Variants in SAFB2 observed in about 807,000 individuals in gnomAD.
The protein encoded by SAFB2 is scaffold attachment factor B2.
Under a neutral mutation model 100.6 loss-of-function variants are expected in SAFB2, and 32 were observed. That is an observed-to-expected ratio of 0.32 (90% CI 0.24 to 0.43). The LOEUF is 0.43. Among genes scored for constraint, SAFB2 ranks in the 20% least tolerant of loss-of-function variants. The probability of loss-of-function intolerance (pLI) is 1.00; values close to 1 mark genes in which losing one functional copy is unlikely to be tolerated. For synonymous variants in SAFB2, 500 were observed against 439.4 expected (o/e 1.14, Z -1.72); for missense variants, 1,185 against 1,163.4 (o/e 1.02, Z -0.27).
chr19:5,610,309 T>C (rs2052881912), intron 8 of SAFB2: 2 of 596,302 alleles, frequency 3.4e-6, no homozygotes, highest in South Asian at 4.1e-5. Context: ...ATCATGCCCA[T>C]GTCAGTTATG....
In SAFB2 at chr19:5,611,548, T is replaced by C. The variant is rs1568226361; in HGVS notation, c.717A>G (p.Pro239=). The change falls in exon 7 of 21, where the codon CCA becomes CCG. Residue 239 remains proline, a synonymous_variant. Transcript: ENST00000252542. The stretch of plus-strand genomic sequence containing the variant: ...CCACGCTACTTGTGTCCTGTGCAAA[T>C]GGCTGCTCCAGCTCGGAACTTTCTT... ...VKEESSELEQ[P]FAQDTSSVGP... 4.2e-6 allele frequency: 2 copies of C among 476,924 alleles called. No individual in the cohort carries two copies. The highest frequency in any genetic ancestry group is 7.1e-6 in the Non-Finnish European group (2 of 281,908). 29.5% of individuals were successfully genotyped at this position (476,924 alleles called of 1,614,324 possible). A position where few individuals can be genotyped will look rare whatever the true frequency, so the allele number is the denominator to read the frequency against.
At position 5,604,904 on chromosome 19, in the gene SAFB2, G is replaced by A; in HGVS notation, c.1329C>T (p.Arg443=). ...ATCCATAGCATCGAGCCCCCGGGCT[G>A]CGGGCGTTCGTTACCACTTTGGCCC... is the stretch of plus-strand genomic sequence containing the variant. The part of the protein sequence containing the change: ...VVGAKVVTNA[R]SPGARCYGFV... The change falls in exon 10 of 21, where the codon CGC becomes CGT. Residue 443 remains arginine (R), a synonymous_variant. Coordinates refer to ENST00000252542, the MANE Select transcript of SAFB2 (RefSeq NM_014649.3). The A allele has an allele frequency of 3.1e-6, 5 of 1,613,710 alleles. No homozygotes were observed. The highest frequency in any genetic ancestry group is 3.4e-6 in the Non-Finnish European group (4 of 1,180,040).
chr19:5,590,093 G>A (rs1319703886), intron 18 of SAFB2, among the ~76,000 whole-genome samples, 185 bp downstream of exon 18: 1 of 152,190 alleles, frequency 6.6e-6, no homozygotes, highest in Admixed American at 6.5e-5. Flanking sequence ...CTGAAAGCCT[G>A]TTCTATGCTT....
chr19:5,610,895 A>T, intron 7 of SAFB2: 1 of 792,702 alleles, frequency 1.3e-6, no homozygotes, highest in Non-Finnish European at 2.0e-6. Context: ...TTAGCTGAAG[A>T]TAACAATTAA....
rs189037926 is a variant in SAFB2 at position 5,590,252 on chromosome 19, C to T, written c.2525+26G>A. ...TTCCCAGGTTAGGACAGATGCTCCC[C>T]ACCCGGCTGGGGCTCACCCACTAAC... is the stretch of plus-strand genomic sequence containing the variant. On this transcript the variant is annotated intron_variant, in intron 18 of 20. Coordinates refer to ENST00000252542, the MANE Select transcript of SAFB2 (RefSeq NM_014649.3). The T allele has an allele frequency of 2.5e-5, 39 of 1,538,412 alleles. No individual in the cohort carries two copies. In the African/African-American group the frequency reaches 3.8e-4, roughly 15 times the overall value.
chr19:5,590,016 A>G (rs1010567755), intron 18 of SAFB2, among the ~76,000 whole-genome samples: 2 of 152,172 alleles, frequency 1.3e-5, no homozygotes, highest in African/African-American at 4.8e-5. Context: ...AGACATTCAC[A>G]ACTGCAGGCG....
intron 11 of SAFB2, among the ~76,000 whole-genome samples, chr19:5,602,372 C>T (rs538386812): frequency 1.3e-4 from 19 of 141,614 alleles, no homozygotes; most frequent in Non-Finnish European, 2.6e-4. Context: ...CCCAGCTACT[C>T]GGGAGGCTGA....
chr19:5,600,317 C>T (rs967967438), intron 11 of SAFB2, 57 bp from the exon 12 acceptor site: 1 of 1,594,952 alleles, frequency 6.3e-7, no homozygotes, highest in South Asian at 1.1e-5. Context: ...ACAGGAACGG[C>T]TCACCCAGAG....
intron 15 of SAFB2, 65 bp downstream of exon 15, chr19:5,593,826 G>C: frequency 7.3e-7 from 1 of 1,371,052 alleles, no homozygotes; most frequent in South Asian, 1.6e-5. Flanking sequence ...CCGCTGTTCT[G>C]CTGGAAGGGT....
intron 12 of SAFB2, among the ~76,000 whole-genome samples, chr19:5,599,615 C>T (rs2052612203): frequency 6.6e-6 from 1 of 151,954 alleles, no homozygotes; most frequent in Non-Finnish European, 1.5e-5. Flanking sequence ...TGCCACTAAA[C>T]ATTCTGAGTC....
chr19:5,613,227 C>T (rs1251437985), intron 5 of SAFB2, among the ~76,000 whole-genome samples: 1 of 152,230 alleles, frequency 6.6e-6, no homozygotes, highest in Non-Finnish European at 1.5e-5. Flanking sequence ...TGAAGTCCAA[C>T]CACCAGAACT....
At chr19:5,588,918 G>A (rs1336758488) in intron 18 of SAFB2, 1 of 152,288 alleles carries the variant, frequency 6.6e-6, no homozygotes, top group Admixed American at 6.5e-5. Context: ...TCTGGGAGAT[G>A]AAAATCCGAG....
intron 13 of SAFB2, among the ~76,000 whole-genome samples, chr19:5,597,136 G>C (rs2052550547): frequency 6.6e-6 from 1 of 152,168 alleles, no homozygotes. Context: ...AGCACAGCAG[G>C]CAACAGTGTC....
At chr19:5,591,666 G>A in intron 17 of SAFB2, 82 bp downstream of exon 17, 1 of 1,427,904 alleles carries the variant, frequency 7.0e-7, no homozygotes, top group East Asian at 2.3e-5. Context: ...CTGGGATCAA[G>A]CGGCCGCCTG....
At chr19:5,598,143 A>G (rs563472637) in intron 13 of SAFB2, among the ~76,000 whole-genome samples, 136 of 152,076 alleles carry the variant, frequency 8.9e-4, no homozygotes, top group Admixed American at 1.4e-3. Context: ...TCAAAAAAAA[A>G]AAAAAAAAAA....
chr19:5,610,466 T>C (rs2052884807), intron 8 of SAFB2, 173 bp downstream of exon 8: 1 of 632,576 alleles, frequency 1.6e-6, no homozygotes, highest in African/African-American at 1.9e-5. Flanking sequence ...AAACATAAAA[T>C]GCAGGTGCTT....
Position 5,590,401 on chromosome 19 carries a change from C to T in SAFB2, c.2402G>A (p.Gly801Glu), listed in dbSNP as rs764925182. Residue 801 changes from glycine to glutamate, a missense_variant, in exon 18 of 21, where the codon GGA becomes GAA. Physicochemically the swap from Gly to Glu is moderately conservative, Grantham distance 98. Coordinates refer to ENST00000252542, the MANE Select transcript of SAFB2 (RefSeq NM_014649.3). ...TCCTCCGTGGCCATGGCGGTCATCT[C>T]CATAGTGCTGGAAGGCAGGAGAGGA... Reference protein sequence around the residue: ...MGDHRDGQHYGDDRHGHGGPP... With the variant: ...MGDHRDGQHYEDDRHGHGGPP... The T allele has an allele frequency of 3.7e-6, 6 of 1,609,508 alleles. No individual in the cohort carries two copies. The highest frequency in any genetic ancestry group is 5.1e-6 in the Non-Finnish European group (6 of 1,178,040).
chr19:5,593,944 C>A lies in SAFB2; in HGVS notation c.2154G>T (p.Gln718His), dbSNP rs761756340. ...GCCGCCGCTCCTGCTCGTAACGCAG[C>A]TGCTCCTGCTGGCGCCGCAGCTCCT... is the stretch of plus-strand genomic sequence containing the variant. ...EREELRRQQEQLRYEQERRPG... is the reference protein window; with the variant it reads ...EREELRRQQEHLRYEQERRPG... The change falls in exon 15 of 21, where the codon CAG becomes CAT. Residue 718 changes from glutamine (Q) to histidine (H), a missense_variant. Physicochemically the swap from Gln to His is conservative, Grantham distance 24. Transcript: ENST00000252542. 3 of 1,554,884 alleles carry A rather than the reference C, an allele frequency of 1.9e-6. No individual in the cohort carries two copies. The highest frequency in any genetic ancestry group is 2.8e-5 in the African/African-American group (2 of 72,710).
At chr19:5,601,538 G>A (rs914632575) in intron 11 of SAFB2, among the ~76,000 whole-genome samples, 26 of 151,996 alleles carry the variant, frequency 1.7e-4, no homozygotes, top group African/African-American at 5.8e-4. Flanking sequence ...GTGAAACTCC[G>A]TCTCTACTAA....
Sources: gnomAD v4.1 joint callset for allele counts (sites outside exome capture counted in the v4.1 genomes callset) on GRCh38, gnomAD v4.1.1 for gene constraint, MANE v1.5 for transcripts, NCBI Gene and HGNC (gene_info 2026-07-23, HGNC 2026-07-21) for gene names.